Variants in CDK12 observed in about 807,000 individuals in gnomAD.
The protein encoded by CDK12 is cyclin-dependent kinase 12.
Under a neutral mutation model 133.8 loss-of-function variants are expected in CDK12, and 17 were observed. That is an observed-to-expected ratio of 0.13 (90% CI 0.09 to 0.19). CDK12 has a LOEUF of 0.19. Ranked by LOEUF, CDK12 falls within the 10% of genes least tolerant of loss-of-function variation. The pLI, the probability that CDK12 is intolerant of heterozygous loss-of-function variation, is 1.00. For missense variants in CDK12, 1,508 were observed against 1,818.7 expected (o/e 0.83, Z 3.11); for synonymous variants, 694 against 683.6 (o/e 1.02, Z -0.24).
chr17:39,555,689 G>A (rs949422913), intron 2 of CDK12, among the ~76,000 whole-genome samples: 1 of 151,782 alleles, frequency 6.6e-6, no homozygotes, highest in Admixed American at 6.6e-5. Context: ...TCAGCCCCAG[G>A]AGAGATAAAA....
chr17:39,551,232 G>A (rs923635628), intron 2 of CDK12: 1 of 152,166 alleles, frequency 6.6e-6, no homozygotes, highest in African/African-American at 2.4e-5. Flanking sequence ...TCTATCCCCT[G>A]TCTTAGAAGC....
chr17:39,538,924 C>A (rs909049905), downstream of CDK12, among the ~76,000 whole-genome samples: 4 of 151,916 alleles, frequency 2.6e-5, no homozygotes, highest in African/African-American at 9.7e-5. Flanking sequence ...TACATACATA[C>A]ATACATACAT....
chr17:39,495,311 C>T (rs1337896604), intron 5 of CDK12, among the ~76,000 whole-genome samples: 4 of 150,562 alleles, frequency 2.7e-5, no homozygotes, highest in Non-Finnish European at 5.9e-5. Context: ...CTCCTGACCT[C>T]AAGTCATCCG....
chr17:39,526,059 A>T lies in CDK12; in HGVS notation c.3503A>T (p.Gln1168Leu). ...SALTEATSQQ[Q>L]DSETMAPEES... Reference sequence around the variant, plus strand: ...CTGACGGAAGCTACTTCCCAGCAGCAGGACTCAGAGACCATGGCCCCAGAG... The same window carrying T: ...CTGACGGAAGCTACTTCCCAGCAGCTGGACTCAGAGACCATGGCCCCAGAG... Residue 1168 changes from glutamine to leucine, a missense_variant, in exon 13 of 14, where the codon CAG becomes CTG. Physicochemically the swap from Gln to Leu is moderately radical, Grantham distance 113. Transcript: ENST00000447079. The T allele has an allele frequency of 6.2e-7, 1 of 1,614,246 alleles. No homozygotes were observed. The highest frequency in any genetic ancestry group is 1.1e-5 in the South Asian group (1 of 91,088).
chr17:39,511,365 T>C (rs2053498319), intron 7 of CDK12, among the ~76,000 whole-genome samples, 164 bp from the exon 8 acceptor site: 1 of 152,114 alleles, frequency 6.6e-6, no homozygotes, highest in African/African-American at 2.4e-5. Flanking sequence ...TATTTCTTCA[T>C]CTCCTACTTC....
chr17:39,530,511 T>C, intron 13 of CDK12, 93 bp from the exon 14 acceptor site: 1 of 1,472,618 alleles, frequency 6.8e-7, no homozygotes, highest in Non-Finnish European at 9.0e-7. Flanking sequence ...TTACTTATAT[T>C]GATATTTGTT....
chr17:39,529,451 A>ATG (rs1284365275), intron 13 of CDK12, among the ~76,000 whole-genome samples: 120 of 152,346 alleles, frequency 7.9e-4, no homozygotes, highest in African/African-American at 2.9e-3. Flanking sequence ...GACTATATAT[A>ATG]TATTTTAAAA....
intron 7 of CDK12, 53 bp downstream of exon 7, chr17:39,509,814 T>G (rs2053367223): frequency 1.4e-6 from 2 of 1,381,308 alleles, no homozygotes; most frequent in Non-Finnish European, 2.1e-6. Context: ...TTTGTTTTGT[T>G]TTTTTGAGGC....
At chr17:39,479,397 A>C (rs72825201) in intron 2 of CDK12, among the ~76,000 whole-genome samples, 8,457 of 151,872 alleles carry the variant, frequency 0.056, 390 homozygotes, top group Admixed American at 0.12. Context: ...CTGCAGCAGC[A>C]TAATGTTGAG....
chr17:39,503,654 C>G (rs190133355), intron 6 of CDK12, among the ~76,000 whole-genome samples: 2 of 152,108 alleles, frequency 1.3e-5, no homozygotes, highest in African/African-American at 2.4e-5. Flanking sequence ...TGATGAGGTT[C>G]CAGACTAAAT....
intron 1 of CDK12, among the ~76,000 whole-genome samples, chr17:39,465,996 A>G (rs2049276731): frequency 6.6e-6 from 1 of 152,094 alleles, no homozygotes; most frequent in Non-Finnish European, 1.5e-5. Context: ...AAAACAGCAT[A>G]TCTCATGTTC....
At chr17:39,523,435 C>G (rs1459054356) in intron 11 of CDK12, among the ~76,000 whole-genome samples, 1 of 152,030 alleles carries the variant, frequency 6.6e-6, no homozygotes, top group Non-Finnish European at 1.5e-5. Flanking sequence ...GAGATTGCAC[C>G]ACTGCACTCT....
intron 6 of CDK12, among the ~76,000 whole-genome samples, chr17:39,502,606 A>G (rs2052802607): frequency 1.3e-5 from 2 of 152,354 alleles, no homozygotes; most frequent in South Asian, 2.1e-4. Context: ...ACGATTGAAC[A>G]CTGGAACTCA....
downstream of CDK12, among the ~76,000 whole-genome samples, chr17:39,566,443 C>G (rs992315696): frequency 6.6e-6 from 1 of 152,134 alleles, no homozygotes; most frequent in African/African-American, 2.4e-5. Context: ...TCAGACCCAA[C>G]CTCTGGCCTC....
downstream of CDK12, among the ~76,000 whole-genome samples, chr17:39,565,446 T>TGTTA (rs56852777): frequency 3.2e-4 from 48 of 150,034 alleles, no homozygotes; most frequent in Non-Finnish European, 5.5e-4. Context: ...TTTGTTTGTT[T>TGTTA]AAAAAAAACG....
rs144689790 is a variant in CDK12, at chr17:39,491,842, G to A, written c.2109-909G>A. ...TAGTAAAAAATGTATAAAAGATACA[G>A]GAGTGGCTGGGCGCGGTGGCTCACG... On this transcript the variant is annotated intron_variant, in intron 3 of 13. Transcript: ENST00000447079. Among the ~76,000 whole-genome samples, 429 of 150,218 alleles carry A rather than the reference G, an allele frequency of 2.9e-3. 2 individuals carry two copies. In the Middle Eastern group the frequency reaches 0.063, roughly 22 times the overall value.
intron 1 of CDK12, among the ~76,000 whole-genome samples, chr17:39,539,623 C>T (rs188741743): frequency 1.4e-4 from 22 of 152,276 alleles, no homozygotes; most frequent in Non-Finnish European, 5.9e-5. Context: ...GAGGGTCCCA[C>T]CTTCAGGAAG....
chr17:39,553,992 C>T (rs569460867), intron 2 of CDK12, among the ~76,000 whole-genome samples: 83 of 152,264 alleles, frequency 5.5e-4, no homozygotes, highest in African/African-American at 1.9e-3. Flanking sequence ...TGAGCATTCC[C>T]AGTGAGAGGT....
chr17:39,533,792 G>A lies in CDK12; in HGVS notation c.*2476G>A, dbSNP rs1181995144. 7 of 232,276 alleles carry A rather than the reference G, an allele frequency of 3.0e-5. No homozygotes were observed. The highest frequency in any genetic ancestry group is 1.3e-3 in the Middle Eastern group (1 of 778). The allele number at this position is 232,276 out of a possible 1,614,324, so 14.4% of individuals were successfully genotyped here. A position where few individuals can be genotyped will look rare whatever the true frequency, so the allele number is the denominator to read the frequency against. On this transcript the variant is annotated 3_prime_UTR_variant, in exon 14 of 14. Coordinates refer to ENST00000447079, the MANE Select transcript of CDK12 (RefSeq NM_016507.4). ...GTAGTTTTGACTATTTCTAAAAGCA[G>A]AGGAGAAAAAAAAACTTATTTAAAT...
Sources: gnomAD v4.1 joint callset for allele counts (sites outside exome capture counted in the v4.1 genomes callset) on GRCh38, gnomAD v4.1.1 for gene constraint, MANE v1.5 for transcripts, NCBI Gene and HGNC (gene_info 2026-07-23, HGNC 2026-07-21) for gene names.